The following CCDC73 variants were observed in gnomAD, a reference collection of about 807,000 sequenced individuals.
CCDC73 encodes the protein coiled-coil domain-containing protein 73.
A neutral mutation model predicts 116.5 loss-of-function variants in CCDC73; 95 were observed. That is an observed-to-expected ratio of 0.82 (90% CI 0.69 to 0.97). The LOEUF (loss-of-function observed/expected upper bound fraction) is 0.97, where lower values mean the gene tolerates loss of function less well. Ranked by LOEUF, CCDC73 falls within the 50% of genes least tolerant of loss-of-function variation. CCDC73 has a pLI of 0.00. For synonymous variants in CCDC73, 398 were observed against 401.3 expected, an observed-to-expected ratio of 0.99 and a Z score of 0.10; for missense variants, 1,066 against 1,206.8, an observed-to-expected ratio of 0.88 and a Z score of 1.73.
intron 4 of CCDC73, among the ~76,000 whole-genome samples, chr11:32,701,760 T>C (rs1216454401): frequency 6.6e-6 from 1 of 152,118 alleles, no homozygotes; most frequent in Non-Finnish European, 1.5e-5. Context: ...AGGAAAATTA[T>C]GAAATATTCT....
chr11:32,616,109 ATTAT>A lies in CCDC73; in HGVS notation c.1202_1205del (p.Asn401MetfsTer25). The stretch of plus-strand genomic sequence containing the variant: ...TTTCAGTTGACATTTCACTGTTTTC[ATTAT>A]TTACTTCTGGAACATTCTAGTGTAA... On this transcript the variant is annotated frameshift_variant, in exon 15 of 18. Coordinates refer to ENST00000335185, the MANE Select transcript of CCDC73 (RefSeq NM_001008391.4). LOFTEE classifies it high-confidence loss of function. 6.3e-7 allele frequency: 1 copy of A among 1,578,778 alleles called. No individual in the cohort carries two copies. Among genetic ancestry groups the A allele is most frequent in the Non-Finnish European group, 8.6e-7 (1 of 1,167,518 alleles).
chr11:32,685,718 C>CTTTT (rs149696866), intron 6 of CCDC73, among the ~76,000 whole-genome samples: 4 of 90,686 alleles, frequency 4.4e-5, no homozygotes, highest in Non-Finnish European at 6.2e-5. Context: ...CCTGACTTAG[C>CTTTT]TTTTTTTTTT....
At chr11:32,624,114 A>G (rs966163200) in intron 14 of CCDC73, among the ~76,000 whole-genome samples, 1 of 151,922 alleles carries the variant, frequency 6.6e-6, no homozygotes, top group Non-Finnish European at 1.5e-5. Flanking sequence ...TGGGCAGATC[A>G]CAAGGTCAGG....
chr11:32,685,921 C>A (rs757086424), intron 6 of CCDC73, among the ~76,000 whole-genome samples: 5 of 151,704 alleles, frequency 3.3e-5, no homozygotes, highest in Non-Finnish European at 7.4e-5. Flanking sequence ...AGGGTTTCAC[C>A]ATGTTAGCCA....
intron 2 of CCDC73, chr11:32,758,448 C>A (rs1326572395): frequency 2.1e-6 from 1 of 471,816 alleles, no homozygotes; most frequent in Non-Finnish European, 4.2e-6. Flanking sequence ...TGCTGTGAGA[C>A]CTAAAGTTCT....
chr11:32,634,358 G>A (rs1052917884), intron 14 of CCDC73, among the ~76,000 whole-genome samples: 7 of 151,952 alleles, frequency 4.6e-5, no homozygotes, highest in Admixed American at 3.9e-4. Context: ...TTAACATCTG[G>A]AAGTCAACTG....
rs183388098 is a variant in CCDC73 at position 32,744,629 on chromosome 11, G to A, written c.135+15480C>T. 1.6e-3 allele frequency among the ~76,000 whole-genome samples: 251 copies of A among 152,192 alleles called. No individual in the cohort carries two copies. In the Middle Eastern group the frequency reaches 0.017, roughly 10 times the overall value. ...CAGAGATCAACTTCTTCCTGGTTTA[G>A]TCTTGGAAGGGTGTATGTGTCCAGG... On this transcript the variant is annotated intron_variant, in intron 2 of 17. Transcript: ENST00000335185.
chr11:32,641,849 G>GA (rs1380409596), intron 13 of CCDC73, 123 bp downstream of exon 13: 3 of 780,648 alleles, frequency 3.8e-6, no homozygotes, highest in Non-Finnish European at 5.2e-6. Flanking sequence ...ATGAGACCAA[G>GA]AAAAAAATGT....
At chr11:32,771,380 T>A (rs1239120628) in intron 1 of CCDC73, among the ~76,000 whole-genome samples, 3 of 152,106 alleles carry the variant, frequency 2.0e-5, no homozygotes, top group African/African-American at 7.2e-5. Context: ...CACTCCCGGG[T>A]TGCAGAATGG....
At chr11:32,678,900 AT>A (rs1287434654) in intron 7 of CCDC73, among the ~76,000 whole-genome samples, 22 of 122,012 alleles carry the variant, frequency 1.8e-4, no homozygotes, top group African/African-American at 1.6e-4. Flanking sequence ...AAAAAAAAAT[AT>A]ATATATATAC....
intron 2 of CCDC73, among the ~76,000 whole-genome samples, chr11:32,727,088 G>T (rs1850035444): frequency 6.6e-6 from 1 of 152,044 alleles, no homozygotes; most frequent in Non-Finnish European, 1.5e-5. Flanking sequence ...TATTATTGAG[G>T]TATCTTGTAG....
At chr11:32,719,355 T>A (rs993240650) in intron 2 of CCDC73, among the ~76,000 whole-genome samples, 1 of 152,184 alleles carries the variant, frequency 6.6e-6, no homozygotes, top group African/African-American at 2.4e-5. Flanking sequence ...TTGTTTCCTT[T>A]GATATTTAAA....
At chr11:32,738,269 A>C (rs772912903) in intron 2 of CCDC73, among the ~76,000 whole-genome samples, 1 of 152,146 alleles carries the variant, frequency 6.6e-6, no homozygotes, top group Non-Finnish European at 1.5e-5. Context: ...GTTTTTTAAG[A>C]AACCTGCAAA....
chr11:32,667,599 C>T (rs924186535), intron 9 of CCDC73, among the ~76,000 whole-genome samples: 1 of 152,208 alleles, frequency 6.6e-6, no homozygotes, highest in African/African-American at 2.4e-5. Flanking sequence ...TCCCTGACCC[C>T]TTGCACTTCC....
In CCDC73 at chr11:32,626,923, T is replaced by G. The variant is rs780781033; in HGVS notation, c.1185+8773A>C. 4.1e-4 allele frequency among the ~76,000 whole-genome samples: 62 copies of G among 152,284 alleles called. 1 individual carries two copies. The highest frequency in any genetic ancestry group is 7.2e-4 in the Non-Finnish European group (49 of 68,022). On this transcript the variant is annotated intron_variant, in intron 14 of 17. Coordinates refer to ENST00000335185, the MANE Select transcript of CCDC73 (RefSeq NM_001008391.4). ...CAGGACATAGGCATGGGCAAGGACT[T>G]CATGTCTAAAACACCAAAAGCAATG...
At position 32,638,420 on chromosome 11, in the gene CCDC73, A is replaced by C. The variant is rs148173928; in HGVS notation, c.1051-2590T>G. On this transcript the variant is annotated intron_variant, in intron 13 of 17. Coordinates refer to ENST00000335185, the MANE Select transcript of CCDC73 (RefSeq NM_001008391.4). Reference sequence around the variant, plus strand: ...ACACATCCCATTTTTAAATCAGAGCAGACTATTCATGGTCCTTGAAAATGG... The same window carrying C: ...ACACATCCCATTTTTAAATCAGAGCCGACTATTCATGGTCCTTGAAAATGG... 2.6e-3 allele frequency among the ~76,000 whole-genome samples: 393 copies of C among 152,318 alleles called. 4 individuals carry two copies. The East Asian group carries it at 0.027, about 11-fold the overall frequency.
At chr11:32,815,708 A>C in the CCDC73 span, among the ~76,000 whole-genome samples, 1 of 152,212 alleles carries the variant, frequency 6.6e-6, no homozygotes, top group Non-Finnish European at 1.5e-5. Context: ...TGTTTGCACC[A>C]GATCTCTACA....
chr11:32,803,232 A>G, the CCDC73 span, among the ~76,000 whole-genome samples: 2 of 152,136 alleles, frequency 1.3e-5, no homozygotes, highest in Non-Finnish European at 2.9e-5. Context: ...CTGGGATTAC[A>G]GATGTGCGCC....
At chr11:32,739,848 G>A (rs1254467336) in intron 2 of CCDC73, among the ~76,000 whole-genome samples, 3 of 150,694 alleles carry the variant, frequency 2.0e-5, no homozygotes, top group Non-Finnish European at 2.9e-5. Context: ...ACTGTATTGA[G>A]GTATGCTCCT....
Sources: gnomAD v4.1 joint callset for allele counts (sites outside exome capture counted in the v4.1 genomes callset) on GRCh38, gnomAD v4.1.1 for gene constraint, MANE v1.5 for transcripts, NCBI Gene and HGNC (gene_info 2026-07-23, HGNC 2026-07-21) for gene names.